SAMD12: variants seen among roughly 807,000 people sequenced by gnomAD.
The protein encoded by SAMD12 is sterile alpha motif domain containing 12.
SAMD12 carries 9 observed loss-of-function variants against 15.0 expected under a neutral mutation model. The observed-to-expected ratio is 0.60, with a 90% CI of 0.36 to 1.05. The LOEUF is 1.05. Among genes scored for constraint, SAMD12 ranks in the 50% least tolerant of loss-of-function variants. The pLI is 0.01. For missense variants in SAMD12, 230 were observed against 234.2 expected (o/e 0.98, Z 0.12); for synonymous variants, 86 against 90.1 (o/e 0.96, Z 0.25).
chr8:118,511,509 T>C (rs1392529319), intron 2 of SAMD12, among the ~76,000 whole-genome samples: 2 of 152,112 alleles, frequency 1.3e-5, no homozygotes, highest in Non-Finnish European at 1.5e-5. Context: ...TCTGGGTAGA[T>C]TTGATAATGC....
chr8:118,576,657 G>A (rs946309310), intron 2 of SAMD12, among the ~76,000 whole-genome samples: 1 of 152,200 alleles, frequency 6.6e-6, no homozygotes, highest in Non-Finnish European at 1.5e-5. Flanking sequence ...CTCAGGGCTG[G>A]CCTGTCTGAG....
chr8:118,479,462 A>G (rs1408575876), intron 2 of SAMD12, among the ~76,000 whole-genome samples: 1 of 152,172 alleles, frequency 6.6e-6, no homozygotes, highest in Non-Finnish European at 1.5e-5. Context: ...AACCCCTTAT[A>G]AAACTATCAG....
chr8:118,512,436 A>G (rs993456089), intron 2 of SAMD12, among the ~76,000 whole-genome samples: 2 of 152,202 alleles, frequency 1.3e-5, no homozygotes, highest in Middle Eastern at 6.3e-3. Context: ...TACTTTTATG[A>G]CACTTACAGT....
At chr8:118,553,525 A>G (rs1233196531) in intron 2 of SAMD12, among the ~76,000 whole-genome samples, 1 of 152,108 alleles carries the variant, frequency 6.6e-6, no homozygotes. Flanking sequence ...TTATACAAAA[A>G]TCAATTCAAG....
the SAMD12 span, among the ~76,000 whole-genome samples, chr8:118,177,966 G>C: frequency 1.3e-5 from 2 of 152,078 alleles, no homozygotes; most frequent in Non-Finnish European, 2.9e-5. Flanking sequence ...TTGAAACCTC[G>C]CAACCACTGT....
chr8:118,139,030 A>G, the SAMD12 span, among the ~76,000 whole-genome samples: 2 of 152,126 alleles, frequency 1.3e-5, no homozygotes, highest in East Asian at 3.9e-4. Flanking sequence ...TGAGAATATA[A>G]TTTTTGGCTT....
At chr8:118,267,165 T>C (rs919067929) in intron 4 of SAMD12, among the ~76,000 whole-genome samples, 3 of 152,080 alleles carry the variant, frequency 2.0e-5, no homozygotes, top group Non-Finnish European at 4.4e-5. Context: ...AAACATCATA[T>C]AATGTAAGTT....
chr8:118,422,887 T>C (rs1822060310), intron 3 of SAMD12, among the ~76,000 whole-genome samples: 1 of 151,932 alleles, frequency 6.6e-6, no homozygotes, highest in South Asian at 2.1e-4. Context: ...AAAAGAACTG[T>C]GGTGTGGGAG....
chr8:118,311,658 G>C (rs1235683340), intron 4 of SAMD12, among the ~76,000 whole-genome samples: 2 of 152,176 alleles, frequency 1.3e-5, no homozygotes, highest in Non-Finnish European at 2.9e-5. Flanking sequence ...GCCTTATTAA[G>C]TCTCTCAGAA....
At chr8:118,199,351 A>C (rs192479059) in intron 4 of SAMD12, among the ~76,000 whole-genome samples, 2 of 152,354 alleles carry the variant, frequency 1.3e-5, no homozygotes, top group Non-Finnish European at 2.9e-5. Context: ...AAGGGGTATA[A>C]ACACCAATGT....
intron 4 of SAMD12, among the ~76,000 whole-genome samples, chr8:118,200,400 T>C (rs1586335676): frequency 3.2e-5 from 1 of 30,920 alleles, no homozygotes; most frequent in South Asian, 9.2e-4. Flanking sequence ...CCTATTAGAG[T>C]ACCAAAAAAA....
chr8:118,488,085 T>TA lies in SAMD12; in HGVS notation c.193-48125dup, dbSNP rs367749513. On this transcript the variant is annotated intron_variant, in intron 2 of 3. Coordinates refer to ENST00000314727, the MANE Select transcript of SAMD12 (RefSeq NM_207506.3). ...CACAGACATCCAGTTAGTACAGGAA[T>TA]AAAAAAAAAAATAAGACTATCAAAT... is the stretch of plus-strand genomic sequence containing the variant. Among the ~76,000 whole-genome samples the TA allele has an allele frequency of 9.6e-3, 1,392 of 145,606 alleles. 12 individuals are homozygous for TA. Among genetic ancestry groups the TA allele is most frequent in the African/African-American group, 0.011 (456 of 40,036 alleles).
chr8:118,163,961 G>A, the SAMD12 span, among the ~76,000 whole-genome samples: 1 of 152,238 alleles, frequency 6.6e-6, no homozygotes, highest in African/African-American at 2.4e-5. Context: ...TAGGGAGGAA[G>A]AACATTGCTG....
chr8:118,306,550 C>T (rs1212226659), intron 4 of SAMD12, among the ~76,000 whole-genome samples: 2 of 152,142 alleles, frequency 1.3e-5, no homozygotes, highest in East Asian at 1.9e-4. Flanking sequence ...AGAACAAGGA[C>T]TTCATTCTAA....
intron 4 of SAMD12, among the ~76,000 whole-genome samples, chr8:118,328,129 C>A (rs961442001): frequency 6.6e-6 from 1 of 152,114 alleles, no homozygotes; most frequent in African/African-American, 2.4e-5. Context: ...TAGACATGAC[C>A]GTGCCTCCTC....
chr8:118,450,586 T>C (rs1823050076), intron 2 of SAMD12, among the ~76,000 whole-genome samples: 1 of 152,128 alleles, frequency 6.6e-6, no homozygotes, highest in African/African-American at 2.4e-5. Flanking sequence ...ACCATAAAAA[T>C]TGTTATTGAT....
intron 1 of SAMD12, among the ~76,000 whole-genome samples, chr8:118,602,402 T>G (rs1827884097): frequency 6.6e-6 from 1 of 152,180 alleles, no homozygotes; most frequent in Non-Finnish European, 1.5e-5. Context: ...TTCTTCTAGG[T>G]GCTGAAACAC....
intron 4 of SAMD12, among the ~76,000 whole-genome samples, chr8:118,298,851 AGAT>A (rs958811173): frequency 2.0e-5 from 3 of 152,222 alleles, no homozygotes; most frequent in African/African-American, 7.2e-5. Context: ...TAGAATATTG[AGAT>A]GATATTTGAA....
chr8:118,502,373 A>G (rs1824809573), intron 2 of SAMD12, among the ~76,000 whole-genome samples: 1 of 152,192 alleles, frequency 6.6e-6, no homozygotes, highest in Admixed American at 6.5e-5. Flanking sequence ...ACAAATGCAT[A>G]TTATTAGCAT....
Sources: gnomAD v4.1 joint callset for allele counts (sites outside exome capture counted in the v4.1 genomes callset) on GRCh38, gnomAD v4.1.1 for gene constraint, MANE v1.5 for transcripts, NCBI Gene and HGNC (gene_info 2026-07-23, HGNC 2026-07-21) for gene names.